The following B4GALT4 variants were observed in gnomAD, a reference collection of about 807,000 sequenced individuals.
B4GALT4 encodes N-acetyllactosamine synthase.
A neutral mutation model predicts 37.3 loss-of-function variants in B4GALT4; 27 were observed. The observed-to-expected ratio is 0.72, with a 90% CI of 0.53 to 1.00. The LOEUF is 1.00. B4GALT4 is among the 50% of genes least tolerant of loss of function. The pLI, the probability that B4GALT4 is intolerant of heterozygous loss-of-function variation, is 0.00. For synonymous variants in B4GALT4, 148 were observed against 154.1 expected (o/e 0.96, Z 0.29); for missense variants, 372 against 413.1 (o/e 0.90, Z 0.86).
chr3:119,219,864 T>C (rs1270692508), intron 5 of B4GALT4, among the ~76,000 whole-genome samples: 2 of 152,220 alleles, frequency 1.3e-5, no homozygotes, highest in Non-Finnish European at 2.9e-5. Flanking sequence ...AAAACTTGGA[T>C]GTTACTAAAT....
intron 1 of B4GALT4, among the ~76,000 whole-genome samples, chr3:119,239,764 A>G (rs932937817): frequency 2.0e-5 from 3 of 152,170 alleles, no homozygotes; most frequent in African/African-American, 7.2e-5. Flanking sequence ...TACAATTTCC[A>G]TAAAGAACAA....
chr3:119,224,175 T>C lies in B4GALT4; in HGVS notation c.557A>G (p.Asn186Ser). ...ATCGTGGAATATAAAGCAGTCCCAA[T>C]TTTCTTCCTTGAGGGCTTCTAGATA... The part of the protein sequence containing the change: ...VGYLEALKEE[N>S]WDCFIFHDVD... Residue 186 changes from asparagine to serine, a missense_variant, in exon 5 of 8, where the codon AAT becomes AGT. Asn to Ser is a conservative substitution (Grantham distance 46, BLOSUM62 1). Transcript: ENST00000393765. 6.2e-7 allele frequency: 1 copy of C among 1,614,006 alleles called. No homozygotes were observed. Among genetic ancestry groups the C allele is most frequent in the Non-Finnish European group, 8.5e-7 (1 of 1,179,984 alleles).
chr3:119,229,744 A>G (rs2078748507), intron 3 of B4GALT4, 103 bp downstream of exon 3: 2 of 1,220,878 alleles, frequency 1.6e-6, no homozygotes, highest in Non-Finnish European at 2.3e-6. Flanking sequence ...GGAGATATAT[A>G]TATTTATGGG....
chr3:119,215,689 T>C (rs369148125), intron 7 of B4GALT4: 1 of 152,218 alleles, frequency 6.6e-6, no homozygotes, highest in Non-Finnish European at 1.5e-5. Context: ...AGGAATTCTA[T>C]TGGACAAATA....
intron 7 of B4GALT4, chr3:119,215,513 G>T (rs1045390599): frequency 6.6e-6 from 1 of 152,216 alleles, no homozygotes; most frequent in Admixed American, 6.5e-5. Context: ...TTGGGATAGT[G>T]TGAGTCAATA....
At chr3:119,218,909 C>T (rs2078368217) in intron 5 of B4GALT4, 137 bp from the exon 6 acceptor site, 2 of 985,954 alleles carry the variant, frequency 2.0e-6, no homozygotes, top group Non-Finnish European at 3.0e-6. Context: ...TTGACACCCA[C>T]CTCCCAATGC....
chr3:119,214,271 C>T (rs2078234220), intron 7 of B4GALT4: 1 of 152,166 alleles, frequency 6.6e-6, no homozygotes, highest in South Asian at 2.1e-4. Flanking sequence ...AGGCTAAAAG[C>T]ACTTTAATAT....
chr3:119,220,110 A>G (rs1439442099), intron 5 of B4GALT4, among the ~76,000 whole-genome samples: 1 of 152,264 alleles, frequency 6.6e-6, no homozygotes. Context: ...TAAGAGAAGC[A>G]GATTTACTTA....
rs2078182657 is a variant in B4GALT4, at chr3:119,212,385, C to A, written c.*164G>T. 1 of 673,008 alleles carries A rather than the reference C, an allele frequency of 1.5e-6. No homozygotes were observed. Among genetic ancestry groups the A allele is most frequent in the East Asian group, 2.7e-5 (1 of 36,962 alleles). The allele number at this position is 673,008 out of a possible 1,614,324, so 41.7% of individuals were successfully genotyped here. ...GCTGTCTTGTTACAACTGTTTTATACTCTACATCACCAGGAGCTCTGCTAA... is the reference window on the plus strand; with the variant it reads ...GCTGTCTTGTTACAACTGTTTTATAATCTACATCACCAGGAGCTCTGCTAA... On this transcript the variant is annotated 3_prime_UTR_variant, in exon 8 of 8. Coordinates refer to ENST00000393765, the MANE Select transcript of B4GALT4 (RefSeq NM_003778.4).
intron 2 of B4GALT4, chr3:119,233,162 G>C (rs1314666795): frequency 6.6e-6 from 1 of 152,264 alleles, no homozygotes; most frequent in African/African-American, 2.4e-5. Flanking sequence ...CCCTGGAAGA[G>C]AGAATCGCCA....
intron 1 of B4GALT4, among the ~76,000 whole-genome samples, chr3:119,239,316 A>G (rs2079077779): frequency 8.2e-6 from 1 of 122,670 alleles, no homozygotes; most frequent in Non-Finnish European, 1.6e-5. Context: ...ACAGAGCCAG[A>G]TTCCATCTCA....
chr3:119,217,002 C>T (rs547059641), intron 6 of B4GALT4, among the ~76,000 whole-genome samples: 35 of 152,308 alleles, frequency 2.3e-4, no homozygotes, highest in African/African-American at 7.7e-4. Flanking sequence ...GTTGCACAGG[C>T]GAATAAATAA....
intron 7 of B4GALT4, 113 bp downstream of exon 7, chr3:119,216,127 T>C (rs2078282883): frequency 1.2e-6 from 1 of 844,202 alleles, no homozygotes; most frequent in South Asian, 3.8e-5. Flanking sequence ...ATTTGCTTAA[T>C]AAAAATCTTT....
chr3:119,212,099 T>C lies in B4GALT4; in HGVS notation c.*450A>G. 1 of 702,518 alleles carries C rather than the reference T, an allele frequency of 1.4e-6. No homozygotes were observed. The highest frequency in any genetic ancestry group is 2.0e-5 in the Admixed American group (1 of 49,934). The allele number at this position is 702,518 out of a possible 1,614,324, so 43.5% of individuals were successfully genotyped here. A position where few individuals can be genotyped will look rare whatever the true frequency, so the allele number is the denominator to read the frequency against. Reference sequence around the variant, plus strand: ...GACACCACCACTTCACAGATGATTGTACAGGATAAATGAATAACAGTATTG... The same window carrying C: ...GACACCACCACTTCACAGATGATTGCACAGGATAAATGAATAACAGTATTG... On this transcript the variant is annotated 3_prime_UTR_variant, in exon 8 of 8. Transcript: ENST00000393765.
intron 2 of B4GALT4, among the ~76,000 whole-genome samples, chr3:119,231,810 AT>A (rs2078831634): frequency 1.4e-5 from 2 of 145,846 alleles, no homozygotes; most frequent in Admixed American, 6.8e-5. Context: ...ATAAAATAAT[AT>A]ATTTTATATT....
rs1039155732 is a variant in B4GALT4 at position 119,212,973 on chromosome 3, G to T, written c.903-292C>A. The T allele has an allele frequency of 2.7e-5, 7 of 263,982 alleles. No individual in the cohort carries two copies. In the Admixed American group the frequency reaches 3.6e-4, roughly 14 times the overall value. The allele number at this position is 263,982 out of a possible 1,614,324, so 16.4% of individuals were successfully genotyped here. A position where few individuals can be genotyped will look rare whatever the true frequency, so the allele number is the denominator to read the frequency against. ...TGTGCAAGGAATACAGATACTACAG[G>T]ATATGTACCAACCATTGCTAACTGA... On this transcript the variant is annotated intron_variant, in intron 7 of 7. Transcript: ENST00000393765.
chr3:119,215,552 C>T (rs886423314), intron 7 of B4GALT4: 1 of 152,192 alleles, frequency 6.6e-6, no homozygotes, highest in Admixed American at 6.5e-5. Context: ...TTCATATATA[C>T]ATCTATCCTG....
rs1485882448 is a variant in B4GALT4 at position 119,230,202 on chromosome 3, A to C, written c.-103T>G. 2 of 1,426,844 alleles carry C rather than the reference A, an allele frequency of 1.4e-6. No individual in the cohort carries two copies. The highest frequency in any genetic ancestry group is 2.9e-5 in the African/African-American group (2 of 69,790). 88.4% of individuals were successfully genotyped at this position (1,426,844 alleles called of 1,614,324 possible). On this transcript the variant is annotated 5_prime_UTR_variant, in exon 3 of 8. Transcript: ENST00000393765. ...TGATTGCGAACTTGATGACAACTGA[A>C]GATACAATGCCTGGTTTTTCTCAGT...
rs145919935 is a variant in B4GALT4 at position 119,230,198 on chromosome 3, C to T, written c.-99G>A. 3.7e-5 allele frequency: 54 copies of T among 1,458,586 alleles called. No homozygotes were observed. In the African/African-American group the frequency reaches 5.5e-4, roughly 15 times the overall value. The allele number at this position is 1,458,586 out of a possible 1,614,324, so 90.4% of individuals were successfully genotyped here. A position where few individuals can be genotyped will look rare whatever the true frequency, so the allele number is the denominator to read the frequency against. On this transcript the variant is annotated 5_prime_UTR_variant, in exon 3 of 8. Coordinates refer to ENST00000393765, the MANE Select transcript of B4GALT4 (RefSeq NM_003778.4). ...AATCTGATTGCGAACTTGATGACAA[C>T]TGAAGATACAATGCCTGGTTTTTCT... is the stretch of plus-strand genomic sequence containing the variant.
Sources: gnomAD v4.1 joint callset for allele counts (sites outside exome capture counted in the v4.1 genomes callset) on GRCh38, gnomAD v4.1.1 for gene constraint, MANE v1.5 for transcripts, NCBI Gene and HGNC (gene_info 2026-07-23, HGNC 2026-07-21) for gene names.